The following ITPR1 variants were observed in gnomAD, a reference collection of about 807,000 sequenced individuals.
ITPR1 encodes inositol 1,4,5-trisphosphate receptor type 1, also known as inositol 1,4,5-trisphosphate-gated calcium channel ITPR1.
In ITPR1, 96 loss-of-function variants were observed where a neutral mutation model predicts 318.4. The ratio of observed to expected loss-of-function variants is 0.30; its 90% CI spans 0.26 to 0.36. The LOEUF (loss-of-function observed/expected upper bound fraction) is 0.36. ITPR1 is among the 10% of genes least tolerant of loss of function. The pLI is 1.00. For missense variants in ITPR1, 2,440 were observed against 3,460.2 expected (o/e 0.71, Z 7.40); for synonymous variants, 1,312 against 1,289.9 (o/e 1.02, Z -0.37).
At chr3:4,746,412 C>G (rs1246961008) in intron 44 of ITPR1, among the ~76,000 whole-genome samples, 1 of 152,210 alleles carries the variant, frequency 6.6e-6, no homozygotes, top group African/African-American at 2.4e-5. Flanking sequence ...TCATGCCTGC[C>G]AATCCCCAGC....
At chr3:4,633,012 C>T (rs754186885) in intron 5 of ITPR1, among the ~76,000 whole-genome samples, 23 of 135,458 alleles carry the variant, frequency 1.7e-4, no homozygotes, top group Non-Finnish European at 3.5e-4. Context: ...GATCTCAGCT[C>T]ACTGCAACCT....
intron 45 of ITPR1, among the ~76,000 whole-genome samples, chr3:4,767,957 C>A (rs569558023): frequency 6.6e-6 from 1 of 152,296 alleles, no homozygotes; most frequent in Non-Finnish European, 1.5e-5. Context: ...AGCTAGGAGG[C>A]AGTGGAGCCA....
chr3:4,836,945 GAA>G lies in ITPR1; in HGVS notation c.8190+13_8190+14del, dbSNP rs552585900. 1,321 of 1,565,754 alleles carry G rather than the reference GAA, an allele frequency of 8.4e-4. 29 individuals carry two copies. In the South Asian group the frequency reaches 0.015, roughly 17 times the overall value. Reference sequence around the variant, plus strand: ...GGAATTAAAGGATCAGGTAAAGAAAGAAAATCCCAGCGCCTACCCTCCCATCA... The same window carrying G: ...GGAATTAAAGGATCAGGTAAAGAAAGAATCCCAGCGCCTACCCTCCCATCA... On this transcript the variant is annotated intron_variant, in intron 61 of 61. Coordinates refer to ENST00000649015, the MANE Select transcript of ITPR1 (RefSeq NM_001378452.1).
chr3:4,765,336 C>T (rs568277456), intron 44 of ITPR1, among the ~76,000 whole-genome samples: 1 of 152,048 alleles, frequency 6.6e-6, no homozygotes, highest in Non-Finnish European at 1.5e-5. Flanking sequence ...AGGGCATGAC[C>T]AAGAAGTGCA....
intron 60 of ITPR1, among the ~76,000 whole-genome samples, chr3:4,823,756 AG>A (rs2049876373): frequency 6.6e-6 from 1 of 152,258 alleles, no homozygotes; most frequent in Non-Finnish European, 1.5e-5. Context: ...ATAGCAGAGT[AG>A]AATGACTATA....
rs534789801 is a variant in ITPR1 at position 4,639,444 on chromosome 3, G to A, written c.340G>A (p.Val114Ile). The A allele has an allele frequency of 3.9e-5, 61 of 1,581,184 alleles. No individual in the cohort carries two copies. Among genetic ancestry groups the A allele is most frequent in the African/African-American group, 6.7e-5 (5 of 74,154 alleles). ...AGAAAACAGGAAATTGCTGGGGACC[G>A]TAATCCAGTATGGCAATGTGATCCA... is the stretch of plus-strand genomic sequence containing the variant. ...ETENRKLLGT[V>I]IQYGNVIQLL... Residue 114 changes from valine to isoleucine, a missense_variant, in exon 6 of 62, where the codon GTA becomes ATA. By Grantham distance (29) the Val-to-Ile change is conservative. Around this residue, in one of 23 missense-constraint regions of ITPR1, gnomAD observed 186 missense variants for 323.9 expected, o/e 0.57. Transcript: ENST00000649015.
At chr3:4,591,026 C>T (rs570422961) in intron 4 of ITPR1, among the ~76,000 whole-genome samples, 94 of 152,308 alleles carry the variant, frequency 6.2e-4, no homozygotes, top group African/African-American at 2.1e-3. Flanking sequence ...TAGCCTCCAG[C>T]TCCATTCGTG....
chr3:4,812,640 G>A (rs530057169), intron 56 of ITPR1, among the ~76,000 whole-genome samples: 24 of 152,148 alleles, frequency 1.6e-4, no homozygotes, highest in Admixed American at 3.9e-4. Context: ...GACTAGAATC[G>A]TTGTGGCTGA....
chr3:4,775,109 T>C, intron 46 of ITPR1, 133 bp from the exon 47 acceptor site: 1 of 732,186 alleles, frequency 1.4e-6, no homozygotes, highest in Non-Finnish European at 2.4e-6. Flanking sequence ...ATACTGACTC[T>C]TCCATGCTCT....
intron 22 of ITPR1, among the ~76,000 whole-genome samples, chr3:4,674,755 A>G (rs1452216285): frequency 2.0e-5 from 3 of 151,752 alleles, no homozygotes; most frequent in Non-Finnish European, 2.9e-5. Context: ...GAGTGTTATT[A>G]TCTGTGTCCT....
intron 2 of ITPR1, among the ~76,000 whole-genome samples, chr3:4,505,605 T>C (rs760387512): frequency 6.6e-6 from 1 of 152,234 alleles, no homozygotes; most frequent in Non-Finnish European, 1.5e-5. Context: ...AGTGTGGATA[T>C]GCCAAGAAAG....
At chr3:4,632,815 A>G (rs887150781) in intron 5 of ITPR1, among the ~76,000 whole-genome samples, 7 of 152,158 alleles carry the variant, frequency 4.6e-5, no homozygotes, top group African/African-American at 1.4e-4. Flanking sequence ...ACTCCTTATT[A>G]AAAAGAAAAA....
At chr3:4,618,374 A>C (rs1265458284) in intron 4 of ITPR1, among the ~76,000 whole-genome samples, 1 of 152,166 alleles carries the variant, frequency 6.6e-6, no homozygotes, top group Non-Finnish European at 1.5e-5. Context: ...TCTGTAGATG[A>C]ATGTATTTTA....
At chr3:4,751,988 T>A (rs1444628062) in intron 44 of ITPR1, among the ~76,000 whole-genome samples, 1 of 152,210 alleles carries the variant, frequency 6.6e-6, no homozygotes, top group Non-Finnish European at 1.5e-5. Context: ...AGTTCCTCTT[T>A]GAAACTGTCA....
intron 4 of ITPR1, among the ~76,000 whole-genome samples, chr3:4,521,830 A>G (rs977647390): frequency 2.0e-5 from 3 of 152,162 alleles, no homozygotes; most frequent in Admixed American, 2.0e-4. Context: ...AGATCGCACC[A>G]CTGTACTCCA....
intron 35 of ITPR1, among the ~76,000 whole-genome samples, chr3:4,700,767 C>T (rs2094635671): frequency 6.6e-6 from 1 of 152,254 alleles, no homozygotes; most frequent in Non-Finnish European, 1.5e-5. Context: ...GGGCAATTTA[C>T]AGAAGAAAAA....
At chr3:4,555,119 A>C (rs1313049846) in intron 4 of ITPR1, among the ~76,000 whole-genome samples, 2 of 152,152 alleles carry the variant, frequency 1.3e-5, no homozygotes, top group Non-Finnish European at 2.9e-5. Context: ...TGGAGAATTC[A>C]GTGTTTTTAT....
Position 4,586,686 on chromosome 3 carries a change from T to A in ITPR1, c.164-41077T>A, listed in dbSNP as rs2089938392. Among the ~76,000 whole-genome samples the A allele has an allele frequency of 5.3e-5, 8 of 151,862 alleles. No individual in the cohort carries two copies. In the South Asian group the frequency reaches 1.7e-3, roughly 32 times the overall value. On this transcript the variant is annotated intron_variant, in intron 4 of 61. Coordinates refer to ENST00000649015, the MANE Select transcript of ITPR1 (RefSeq NM_001378452.1). ...CCCATGCCCAGCTAATTTTTTAATT[T>A]TCTGGAGAGATGAGGTCTCCCTGTG...
intron 60 of ITPR1, among the ~76,000 whole-genome samples, chr3:4,820,666 C>G (rs908364675): frequency 2.0e-5 from 3 of 152,214 alleles, no homozygotes; most frequent in African/African-American, 7.2e-5. Context: ...CTTACAGCAT[C>G]AAGGAATTCT....
Sources: allele counts gnomAD v4.1 joint callset (sites outside exome capture counted in the v4.1 genomes callset), GRCh38; gene constraint gnomAD v4.1.1; regional missense constraint gnomAD v4.1.1; transcripts MANE v1.5; gene names NCBI Gene and HGNC (gene_info 2026-07-23, HGNC 2026-07-21).